PARP15: variants seen among roughly 807,000 people sequenced by gnomAD.
PARP15 encodes poly(ADP-ribose) polymerase family member 15.
PARP15 carries 50 observed loss-of-function variants against 62.1 expected under a neutral mutation model. That is an observed-to-expected ratio of 0.81 (90% CI 0.64 to 1.02). The LOEUF (loss-of-function observed/expected upper bound fraction) is 1.02. PARP15 is among the 50% of genes least tolerant of loss of function. PARP15 has a pLI of 0.00. For missense variants in PARP15, 820 were observed against 826.5 expected (o/e 0.99, Z 0.10); for synonymous variants, 309 against 293.1 (o/e 1.05, Z -0.55).
intron 10 of PARP15, among the ~76,000 whole-genome samples, chr3:122,633,141 T>C (rs1198751057): frequency 1.3e-5 from 2 of 152,336 alleles, no homozygotes; most frequent in Non-Finnish European, 2.9e-5. Context: ...ACAGCACTTA[T>C]AAGGTACTTT....
chr3:122,633,523 C>T, intron 10 of PARP15, among the ~76,000 whole-genome samples: 2 of 145,458 alleles, frequency 1.4e-5, no homozygotes, highest in South Asian at 2.2e-4. Context: ...CAGACCTTTT[C>T]TTTTTTTTTT....
intron 11 of PARP15, 111 bp downstream of exon 11, chr3:122,635,305 A>C (rs983014353): frequency 2.8e-5 from 27 of 952,048 alleles, no homozygotes; most frequent in African/African-American, 8.4e-5. Context: ...CACTGTCAGA[A>C]TAGAGCTCAC....
chr3:122,577,731 C>T lies in PARP15; in HGVS notation c.64C>T (p.Leu22Phe). The T allele has an allele frequency of 3.9e-6, 6 of 1,551,722 alleles. No individual in the cohort carries two copies. Among genetic ancestry groups the T allele is most frequent in the Non-Finnish European group, 5.2e-6 (6 of 1,146,990 alleles). The change falls in exon 1 of 12, where the codon CTT becomes TTT. Residue 22 changes from leucine (L) to phenylalanine (F), a missense_variant. This residue lies in a region of PARP15 where 731 missense variants were observed against 727.7 expected (regional missense o/e 1.00). Coordinates refer to ENST00000464300, the MANE Select transcript of PARP15 (RefSeq NM_001113523.3). ...LSPGAPTPRE[L>F]MHGVAGVTSR... The stretch of plus-strand genomic sequence containing the variant: ...TCCAGGGGCTCCGACCCCCAGAGAA[C>T]TTATGCACGGAGTTGCAGGTGTTAC...
chr3:122,637,057 T>C lies in PARP15; in HGVS notation c.*957T>C, dbSNP rs1052939016. The C allele has an allele frequency of 6.6e-6, 1 of 152,176 alleles. No individual in the cohort carries two copies. The highest frequency in any genetic ancestry group is 1.5e-5 in the Non-Finnish European group (1 of 68,096). 9.4% of individuals were successfully genotyped at this position (152,176 alleles called of 1,614,324 possible). On this transcript the variant is annotated 3_prime_UTR_variant, in exon 12 of 12. Coordinates refer to ENST00000464300, the MANE Select transcript of PARP15 (RefSeq NM_001113523.3). ...TTTCCACGAGTATCCTGTTGATTAT[T>C]TTGATCAGCTTGTTCAGTCTGGGAG...
rs114861933 is a variant in PARP15 at position 122,622,756 on chromosome 3, A to C, written c.1231+1145A>C. Among the ~76,000 whole-genome samples, 1,357 of 152,286 alleles carry C rather than the reference A, an allele frequency of 8.9e-3. 21 individuals are homozygous for C. The highest frequency in any genetic ancestry group is 0.031 in the African/African-American group (1,300 of 41,560). On this transcript the variant is annotated intron_variant, in intron 8 of 11. Coordinates refer to ENST00000464300, the MANE Select transcript of PARP15 (RefSeq NM_001113523.3). ...TATCATCCAGTCATTTGCTCTTCTT[A>C]GTTGACAGTGCTACTGGTCACTCAC...
At chr3:122,613,350 C>T (rs766146997) in intron 4 of PARP15, 82 bp downstream of exon 4, 4 of 1,225,466 alleles carry the variant, frequency 3.3e-6, no homozygotes, top group Non-Finnish European at 3.5e-6. Flanking sequence ...TAGGAATAAC[C>T]GTGTTTTCTA....
intron 1 of PARP15, among the ~76,000 whole-genome samples, chr3:122,582,992 G>A (rs1933085793): frequency 6.6e-6 from 1 of 150,458 alleles, no homozygotes; most frequent in Admixed American, 6.6e-5. Context: ...GTTTGATTTG[G>A]TTCTCCTTTA....
intron 1 of PARP15, among the ~76,000 whole-genome samples, chr3:122,605,199 G>T (rs900127326): frequency 6.6e-6 from 1 of 152,126 alleles, no homozygotes; most frequent in Non-Finnish European, 1.5e-5. Flanking sequence ...ACTGGATGAG[G>T]GCTGGTGGTG....
At chr3:122,580,039 A>ATATATATATG (rs1559915678) in intron 1 of PARP15, among the ~76,000 whole-genome samples, 3 of 135,664 alleles carry the variant, frequency 2.2e-5, no homozygotes, top group African/African-American at 8.5e-5. Context: ...ATATATATGC[A>ATATATATATG]CGCGCGCACA....
intron 2 of PARP15, among the ~76,000 whole-genome samples, chr3:122,608,370 C>T (rs990942884): frequency 6.6e-6 from 1 of 151,980 alleles, no homozygotes; most frequent in Non-Finnish European, 1.5e-5. Context: ...CGCCCACCAC[C>T]ATGCCCAGCT....
intron 9 of PARP15, among the ~76,000 whole-genome samples, chr3:122,630,852 T>C (rs988993829): frequency 2.6e-5 from 4 of 152,182 alleles, no homozygotes; most frequent in Non-Finnish European, 4.4e-5. Flanking sequence ...CATGAGGTGG[T>C]AGATAGAGCT....
At chr3:122,578,476 T>TA (rs2080731003) in intron 1 of PARP15, among the ~76,000 whole-genome samples, 1 of 152,192 alleles carries the variant, frequency 6.6e-6, no homozygotes, top group Non-Finnish European at 1.5e-5. Flanking sequence ...CCCAACACCA[T>TA]TTATTATAAA....
At chr3:122,623,504 C>T (rs1204492576) in intron 8 of PARP15, among the ~76,000 whole-genome samples, 4 of 152,174 alleles carry the variant, frequency 2.6e-5, no homozygotes, top group Non-Finnish European at 4.4e-5. Context: ...GAGACCAGAA[C>T]AGTGAGAAAT....
At chr3:122,584,096 G>A (rs1170739311) in intron 1 of PARP15, among the ~76,000 whole-genome samples, 1 of 152,072 alleles carries the variant, frequency 6.6e-6, no homozygotes, top group African/African-American at 2.4e-5. Flanking sequence ...TTCTCTCCAA[G>A]GAATCACTGT....
chr3:122,621,040 G>A (rs1417159622), intron 7 of PARP15, among the ~76,000 whole-genome samples: 1 of 152,150 alleles, frequency 6.6e-6, no homozygotes, highest in Non-Finnish European at 1.5e-5. Flanking sequence ...TTGCTCTTCT[G>A]GGACAGCAGA....
At chr3:122,588,966 TA>T (rs1440262635) in intron 1 of PARP15, among the ~76,000 whole-genome samples, 3 of 152,228 alleles carry the variant, frequency 2.0e-5, no homozygotes, top group Non-Finnish European at 1.5e-5. Flanking sequence ...ACCTTTTATT[TA>T]TCCATTCAGT....
chr3:122,587,172 T>C (rs1407760282), intron 1 of PARP15, among the ~76,000 whole-genome samples: 2 of 152,264 alleles, frequency 1.3e-5, no homozygotes, highest in East Asian at 3.8e-4. Context: ...TTGAATGTAC[T>C]GTAGATTATG....
chr3:122,592,954 A>T (rs1934040093), intron 1 of PARP15, among the ~76,000 whole-genome samples: 1 of 152,238 alleles, frequency 6.6e-6, no homozygotes, highest in Non-Finnish European at 1.5e-5. Flanking sequence ...CCACTATGCC[A>T]GGAATGAGCT....
In PARP15 at chr3:122,610,551, T is replaced by C. The variant is rs1464562602; in HGVS notation, c.364T>C (p.Ser122Pro). ...TCTTCAGCTTGGAGGAGGACCACTA[T>C]CTCGGGCATTTTTGCAGAAAGCTGG... ...MNLQLGGGPL[S>P]RAFLQKAGPM... Residue 122 changes from serine to proline, a missense_variant, in exon 3 of 12, where the codon TCT (serine) becomes CCT (proline). Coordinates refer to ENST00000464300, the MANE Select transcript of PARP15 (RefSeq NM_001113523.3). 6.4e-7 allele frequency: 1 copy of C among 1,551,726 alleles called. No homozygotes were observed. The highest frequency in any genetic ancestry group is 1.2e-5 in the South Asian group (1 of 84,064).
Sources: gnomAD v4.1 joint callset for allele counts (sites outside exome capture counted in the v4.1 genomes callset) on GRCh38, gnomAD v4.1.1 for gene constraint, gnomAD v4.1.1 regional missense constraint, MANE v1.5 for transcripts, NCBI Gene and HGNC (gene_info 2026-07-23, HGNC 2026-07-21) for gene names.